TRPC6: variants seen among roughly 807,000 people sequenced by gnomAD.
TRPC6 encodes the protein transient receptor potential cation channel subfamily C member 6.
Under a neutral mutation model 90.7 loss-of-function variants are expected in TRPC6, and 55 were observed. The observed-to-expected ratio is 0.61, with a 90% CI of 0.49 to 0.76. The LOEUF (loss-of-function observed/expected upper bound fraction) is 0.76. Among genes scored for constraint, TRPC6 ranks in the 30% least tolerant of loss-of-function variants. The pLI is 0.00. For missense variants in TRPC6, 989 were observed against 1,122.7 expected (o/e 0.88, Z 1.70); for synonymous variants, 393 against 393.0 (o/e 1.00, Z 0.00).
At chr11:101,533,539 G>C (rs1860961586) in intron 1 of TRPC6, among the ~76,000 whole-genome samples, 2 of 152,118 alleles carry the variant, frequency 1.3e-5, no homozygotes, top group African/African-American at 4.8e-5. Context: ...TTCAACACGA[G>C]CTTTGGGCAG....
At position 101,488,957 on chromosome 11, in the gene TRPC6, A is replaced by G. The variant is rs1859739226; in HGVS notation, c.1273T>C (p.Trp425Arg). 1.2e-6 allele frequency: 2 copies of G among 1,614,166 alleles called. No individual in the cohort carries two copies. Among genetic ancestry groups the G allele is most frequent in the Non-Finnish European group, 1.7e-6 (2 of 1,180,004 alleles). The change falls in exon 4 of 13, where the codon TGG becomes CGG. Residue 425 changes from tryptophan to arginine, a missense_variant. By Grantham distance (101) the Trp-to-Arg change is moderately radical (BLOSUM62 -3). Coordinates refer to ENST00000344327, the MANE Select transcript of TRPC6 (RefSeq NM_004621.6). ...IGLPFLALIY[W>R]FAPCSKMGKI... ...CATACCTTGCTGCATGGAGCAAACC[A>G]GTAAATGAGAGCCAGGAAGGGCAGT...
intron 12 of TRPC6, 40 bp from the exon 13 acceptor site, chr11:101,453,146 G>A (rs756922323): frequency 1.0e-5 from 16 of 1,598,624 alleles, no homozygotes; most frequent in African/African-American, 4.0e-5. Flanking sequence ...CTATAAATAC[G>A]CAATGCGGAA....
chr11:101,464,510 C>A (rs775145364), intron 10 of TRPC6, among the ~76,000 whole-genome samples: 16 of 152,036 alleles, frequency 1.1e-4, no homozygotes, highest in Admixed American at 1.0e-3. Flanking sequence ...ATAGTTAGGT[C>A]TCTTGTTGCA....
intron 5 of TRPC6, among the ~76,000 whole-genome samples, chr11:101,478,584 T>C (rs1386384935): frequency 6.6e-6 from 1 of 152,134 alleles, no homozygotes; most frequent in Admixed American, 6.5e-5. Flanking sequence ...AAGTGAGCTA[T>C]TCTGCTTGAA....
intron 2 of TRPC6, among the ~76,000 whole-genome samples, chr11:101,493,127 C>A (rs527933183): frequency 6.6e-6 from 1 of 152,252 alleles, no homozygotes; most frequent in South Asian, 2.1e-4. Flanking sequence ...CCACCTATAA[C>A]CAAATGCTAA....
intron 10 of TRPC6, chr11:101,455,448 T>A (rs1029515817): frequency 8.5e-6 from 2 of 236,340 alleles, no homozygotes; most frequent in African/African-American, 2.3e-5. Flanking sequence ...ATCTCAGAAG[T>A]CCATTGATGG....
At chr11:101,533,293 C>T (rs1860954330) in intron 1 of TRPC6, among the ~76,000 whole-genome samples, 1 of 152,126 alleles carries the variant, frequency 6.6e-6, no homozygotes, top group Non-Finnish European at 1.5e-5. Flanking sequence ...CCTCACGAGG[C>T]TTCCAATCAT....
chr11:101,582,090 A>G (rs1862210341), intron 1 of TRPC6, among the ~76,000 whole-genome samples: 1 of 152,258 alleles, frequency 6.6e-6, no homozygotes, highest in Admixed American at 6.5e-5. Context: ...TGGTATGGGA[A>G]TTATGTCTTG....
At chr11:101,517,320 T>C (rs1860545224) in intron 1 of TRPC6, among the ~76,000 whole-genome samples, 1 of 152,226 alleles carries the variant, frequency 6.6e-6, no homozygotes, top group Non-Finnish European at 1.5e-5. Context: ...AAAAGTTCTA[T>C]TTTCCACGGA....
At position 101,583,702 on chromosome 11, in the gene TRPC6, C is replaced by T; in HGVS notation, c.-199G>A. ...CCACTGGCCCGGGGAAAAGTCACCA[C>T]TTAAGGGGGTGCAAAGAGGATCTTG... On this transcript the variant is annotated 5_prime_UTR_variant, in exon 1 of 13. The change creates a new upstream start codon in the 5' untranslated region. Transcript: ENST00000344327. 1.9e-6 allele frequency: 1 copy of T among 521,582 alleles called. No homozygotes were observed. Among genetic ancestry groups the T allele is most frequent in the Non-Finnish European group, 3.2e-6 (1 of 313,112 alleles). 32.3% of individuals were successfully genotyped at this position (521,582 alleles called of 1,614,324 possible). A position where few individuals can be genotyped will look rare whatever the true frequency, so the allele number is the denominator to read the frequency against.
At chr11:101,453,603 G>T (rs542139391) in intron 12 of TRPC6, 47 bp downstream of exon 12, 4 of 1,566,964 alleles carry the variant, frequency 2.6e-6, no homozygotes, top group Non-Finnish European at 2.6e-6. Flanking sequence ...CTAGGCCCCC[G>T]TCCTGACTCA....
rs1194680281 is a variant in TRPC6 at position 101,490,430 on chromosome 11, A to G, written c.1128+1126T>C. 2.0e-5 allele frequency among the ~76,000 whole-genome samples: 3 copies of G among 152,156 alleles called. No homozygotes were observed. The East Asian group carries it at 5.8e-4, about 29-fold the overall frequency. ...TATATTACTTTTATTGGAAAAATCT[A>G]CCTTTAAAAGCTATCTATCTGTCTA... On this transcript the variant is annotated intron_variant, in intron 3 of 12. Coordinates refer to ENST00000344327, the MANE Select transcript of TRPC6 (RefSeq NM_004621.6).
At chr11:101,511,560 A>C (rs926027427) in intron 1 of TRPC6, among the ~76,000 whole-genome samples, 1 of 152,166 alleles carries the variant, frequency 6.6e-6, no homozygotes, top group Non-Finnish European at 1.5e-5. Flanking sequence ...AGTGTGTTCT[A>C]GTGTAAATAT....
At chr11:101,482,231 A>G (rs1461855907) in intron 5 of TRPC6, among the ~76,000 whole-genome samples, 1 of 152,254 alleles carries the variant, frequency 6.6e-6, no homozygotes, top group African/African-American at 2.4e-5. Flanking sequence ...TCACTTTAGT[A>G]TCCTCGTTAC....
chr11:101,502,735 G>C lies in TRPC6; in HGVS notation c.945+1289C>G, dbSNP rs564225918. ...TTGCCCTGTTAGCTGCCAGGTAGCT[G>C]GAGGAAAAGCACCTTCCTCTACCTT... On this transcript the variant is annotated intron_variant, in intron 2 of 12. Coordinates refer to ENST00000344327, the MANE Select transcript of TRPC6 (RefSeq NM_004621.6). Among the ~76,000 whole-genome samples, 10 of 152,262 alleles carry C rather than the reference G, an allele frequency of 6.6e-5. No homozygotes were observed. The South Asian group carries it at 2.1e-3, about 32-fold the overall frequency.
intron 1 of TRPC6, among the ~76,000 whole-genome samples, chr11:101,562,105 A>T (rs1861728449): frequency 6.6e-6 from 1 of 152,040 alleles, no homozygotes; most frequent in Non-Finnish European, 1.5e-5. Context: ...TAAAAATTCA[A>T]ACTACCTTTG....
Position 101,469,520 on chromosome 11 carries a change from A to T in TRPC6, c.2410-19T>A. ...CATTTATCTTTTAAAGATAGATAGTAAAATGAGTATAACTGCATAACCAAT... is the reference window on the plus strand; with the variant it reads ...CATTTATCTTTTAAAGATAGATAGTTAAATGAGTATAACTGCATAACCAAT... On this transcript the variant is annotated intron_variant, in intron 9 of 12. Coordinates refer to ENST00000344327, the MANE Select transcript of TRPC6 (RefSeq NM_004621.6). 1 of 744,322 alleles carries T rather than the reference A, an allele frequency of 1.3e-6. No homozygotes were observed. The highest frequency in any genetic ancestry group is 2.5e-6 in the Non-Finnish European group (1 of 398,288). The allele number at this position is 744,322 out of a possible 1,614,324, so 46.1% of individuals were successfully genotyped here.
chr11:101,465,847 G>C (rs1859132110), intron 10 of TRPC6, among the ~76,000 whole-genome samples: 1 of 152,128 alleles, frequency 6.6e-6, no homozygotes, highest in Non-Finnish European at 1.5e-5. Context: ...GGGGAGTTGT[G>C]ATCCTTTGGA....
chr11:101,568,120 GA>G (rs1861877019), intron 1 of TRPC6, among the ~76,000 whole-genome samples: 1 of 152,002 alleles, frequency 6.6e-6, no homozygotes, highest in Admixed American at 6.5e-5. Context: ...TAAGAACCTT[GA>G]AAAAAGGCTA....
Sources: gnomAD v4.1 joint callset for allele counts (sites outside exome capture counted in the v4.1 genomes callset) on GRCh38, gnomAD v4.1.1 for gene constraint, MANE v1.5 for transcripts, NCBI Gene and HGNC (gene_info 2026-07-23, HGNC 2026-07-21) for gene names.